Variants in IQSEC1 observed in about 807,000 individuals in gnomAD.
The protein encoded by IQSEC1 is IQ motif and SEC7 domain-containing protein 1.
IQSEC1 carries 31 observed loss-of-function variants against 91.0 expected under a neutral mutation model. That is an observed-to-expected ratio of 0.34 (90% CI 0.26 to 0.46). IQSEC1 has a LOEUF of 0.46. Ranked by LOEUF, IQSEC1 falls within the 20% of genes least tolerant of loss-of-function variation. IQSEC1 has a pLI of 1.00. For synonymous variants in IQSEC1, 699 were observed against 662.6 expected (o/e 1.05, Z -0.84); for missense variants, 1,388 against 1,575.6 (o/e 0.88, Z 2.02).
At chr3:13,224,669 C>T (rs1013411805) in intron 1 of IQSEC1, among the ~76,000 whole-genome samples, 2 of 152,108 alleles carry the variant, frequency 1.3e-5, no homozygotes, top group African/African-American at 2.4e-5. Context: ...GGACCCAGGA[C>T]GGGAGCATAG....
At chr3:13,279,762 T>C (rs139445309) in intron 1 of IQSEC1, among the ~76,000 whole-genome samples, 10 of 152,156 alleles carry the variant, frequency 6.6e-5, no homozygotes, top group African/African-American at 2.4e-4. Context: ...AGGGCCTCTG[T>C]GTGCAGGTAG....
intron 1 of IQSEC1, among the ~76,000 whole-genome samples, chr3:13,043,198 G>T (rs1395480271): frequency 6.6e-6 from 1 of 152,208 alleles, no homozygotes; most frequent in Admixed American, 6.5e-5. Flanking sequence ...ACAACCAGGC[G>T]CATTGTTGGG....
intron 2 of IQSEC1, among the ~76,000 whole-genome samples, chr3:13,139,777 TCTC>T (rs1235349514): frequency 2.0e-5 from 3 of 152,124 alleles, no homozygotes; most frequent in Admixed American, 6.5e-5. Context: ...TCCTGATGCT[TCTC>T]CTGGAAACAA....
At chr3:13,242,808 G>A (rs1223551778) in intron 1 of IQSEC1, among the ~76,000 whole-genome samples, 1 of 152,038 alleles carries the variant, frequency 6.6e-6, no homozygotes, top group East Asian at 1.9e-4. Flanking sequence ...TTCATCTGAC[G>A]CAGACACCAG....
chr3:13,170,515 G>A (rs894906893), intron 1 of IQSEC1, among the ~76,000 whole-genome samples: 3 of 152,178 alleles, frequency 2.0e-5, no homozygotes, highest in Non-Finnish European at 4.4e-5. Flanking sequence ...CACGTGTCTG[G>A]AAAAGCTGCA....
intron 1 of IQSEC1, among the ~76,000 whole-genome samples, chr3:13,219,953 G>T (rs1013455481): frequency 1.3e-5 from 2 of 152,232 alleles, no homozygotes; most frequent in Non-Finnish European, 2.9e-5. Flanking sequence ...GTCACTCCAG[G>T]CGTGGCAACT....
rs370138999 is a variant in IQSEC1, at chr3:12,949,069, A to C, written c.24-7204T>G. On this transcript the variant is annotated intron_variant, in intron 1 of 13. Transcript: ENST00000613206. ...CAACCACCGTCGCTGGGAGGTAGCT[A>C]GGACTGCTCCCTTCTGCAGATGACA... Among the ~76,000 whole-genome samples, 13 of 152,352 alleles carry C rather than the reference A, an allele frequency of 8.5e-5. 1 individual carries two copies. The highest frequency in any genetic ancestry group is 5.2e-4 in the Admixed American group (8 of 15,306).
chr3:13,048,386 G>T (rs996455675), intron 1 of IQSEC1, among the ~76,000 whole-genome samples: 2 of 152,194 alleles, frequency 1.3e-5, no homozygotes, highest in Non-Finnish European at 2.9e-5. Flanking sequence ...CTATGACACA[G>T]AACTCATCCC....
chr3:12,995,306 T>C (rs1702187369), intron 1 of IQSEC1, among the ~76,000 whole-genome samples: 1 of 152,206 alleles, frequency 6.6e-6, no homozygotes, highest in Non-Finnish European at 1.5e-5. Context: ...TCTGGACTTC[T>C]GGGAGGAAAG....
rs776638268 is a variant in IQSEC1, at chr3:12,914,375, G to A, written c.2190+729C>T. On this transcript the variant is annotated intron_variant, in intron 8 of 13. Transcript: ENST00000613206. ...AAGGGGTGGGATCCCCGGGATCACC[G>A]TCCTGAGGCCAGAGGCTTGACTCTA... 2.6e-5 allele frequency among the ~76,000 whole-genome samples: 4 copies of A among 152,344 alleles called. No homozygotes were observed. The East Asian group carries it at 5.8e-4, about 22-fold the overall frequency.
intron 1 of IQSEC1, among the ~76,000 whole-genome samples, chr3:13,245,616 A>G (rs116446232): frequency 1.2e-3 from 190 of 152,204 alleles, no homozygotes; most frequent in African/African-American, 4.4e-3. Flanking sequence ...AAATACAAAA[A>G]AATTCCTGGG....
At chr3:13,235,791 G>T (rs565774319) in intron 1 of IQSEC1, among the ~76,000 whole-genome samples, 1 of 152,218 alleles carries the variant, frequency 6.6e-6, no homozygotes, top group Non-Finnish European at 1.5e-5. Context: ...CCTGCAGAGA[G>T]GGGAGGGAGG....
rs571143533 is a variant in IQSEC1, at chr3:12,908,671, T to C, written c.2579-146A>G. 1.5e-5 allele frequency: 12 copies of C among 824,808 alleles called. No individual in the cohort carries two copies. In the East Asian group the frequency reaches 2.7e-4, roughly 19 times the overall value. The allele number at this position is 824,808 out of a possible 1,614,324, so 51.1% of individuals were successfully genotyped here. ...GTTGTTTCTGGGAAAGAGGGTGTGATGGCCACCCTGGACAAAAGAGCAGAA... is the reference window on the plus strand; with the variant it reads ...GTTGTTTCTGGGAAAGAGGGTGTGACGGCCACCCTGGACAAAAGAGCAGAA... On this transcript the variant is annotated intron_variant, in intron 11 of 13. Coordinates refer to ENST00000613206, the MANE Select transcript of IQSEC1 (RefSeq NM_001134382.3). The surrounding 1 kb of genome is among the most constrained non-coding windows in gnomAD (Gnocchi z 4.9).
intron 2 of IQSEC1, among the ~76,000 whole-genome samples, chr3:13,144,421 T>C (rs969648968): frequency 2.6e-5 from 4 of 152,160 alleles, no homozygotes; most frequent in African/African-American, 9.7e-5. Context: ...GGCTTGAGTC[T>C]TTTCCAGGAC....
intron 2 of IQSEC1, among the ~76,000 whole-genome samples, chr3:13,126,160 T>C (rs938905410): frequency 7.4e-6 from 1 of 134,488 alleles, no homozygotes; most frequent in Non-Finnish European, 1.6e-5. Context: ...AACACACTCA[T>C]GATGGAACAT....
intron 2 of IQSEC1, among the ~76,000 whole-genome samples, chr3:13,095,853 G>T (rs1165939562): frequency 6.6e-6 from 1 of 152,208 alleles, no homozygotes; most frequent in Admixed American, 6.5e-5. Context: ...GAGGAGAGAG[G>T]CCTGGGAAGG....
chr3:13,154,434 CATGCATATATATATATATAT>C (rs1281264372), intron 2 of IQSEC1, among the ~76,000 whole-genome samples: 2 of 29,306 alleles, frequency 6.8e-5, no homozygotes, highest in African/African-American at 2.2e-4. Context: ...CTGGAACTTA[CATGCATATATATATATATAT>C]ATATATATAT....
chr3:13,000,068 T>C (rs1277164049), intron 1 of IQSEC1, among the ~76,000 whole-genome samples: 1 of 152,208 alleles, frequency 6.6e-6, no homozygotes, highest in African/African-American at 2.4e-5. Context: ...TTTCATATCA[T>C]TGTGTATTAG....
intron 1 of IQSEC1, among the ~76,000 whole-genome samples, chr3:13,065,050 T>C (rs1274195726): frequency 6.6e-6 from 1 of 152,248 alleles, no homozygotes; most frequent in Admixed American, 6.5e-5. Context: ...TCCCTTCTCC[T>C]GCCTGGGGAA....
Sources: gnomAD v4.1 joint callset for allele counts (sites outside exome capture counted in the v4.1 genomes callset) on GRCh38, gnomAD v4.1.1 for gene constraint, Gnocchi (gnomAD v3.1) non-coding constraint, MANE v1.5 for transcripts, NCBI Gene and HGNC (gene_info 2026-07-23, HGNC 2026-07-21) for gene names.